Variants in TRA2A observed in about 807,000 individuals in gnomAD.
TRA2A encodes transformer-2 protein homolog alpha.
Under a neutral mutation model 45.7 loss-of-function variants are expected in TRA2A, and 31 were observed. The observed-to-expected ratio is 0.68, with a 90% CI of 0.51 to 0.92. The LOEUF (loss-of-function observed/expected upper bound fraction) is 0.92. Among genes scored for constraint, TRA2A ranks in the 40% least tolerant of loss-of-function variants. TRA2A has a pLI of 0.00. For synonymous variants in TRA2A, 132 were observed against 126.2 expected (o/e 1.05, Z -0.31); for missense variants, 304 against 367.5 (o/e 0.83, Z 1.41).
At chr7:23,509,199 A>G (rs1322378465) in intron 4 of TRA2A, among the ~76,000 whole-genome samples, 3 of 152,214 alleles carry the variant, frequency 2.0e-5, no homozygotes, top group Admixed American at 1.3e-4. Context: ...CAACAAATTT[A>G]ACACATCTTC....
Position 23,512,893 on chromosome 7 carries a change from C to T in TRA2A, c.525+1G>A. 6.2e-7 allele frequency: 1 copy of T among 1,602,604 alleles called. No homozygotes were observed. The highest frequency in any genetic ancestry group is 8.5e-7 in the Non-Finnish European group (1 of 1,173,486). On this transcript the variant is annotated splice_donor_variant, in intron 4 of 7. Transcript: ENST00000297071. LOFTEE classifies it high-confidence loss of function. Reference sequence around the variant, plus strand: ...ATCAGGCATATAAAAGACAAATTTACCTCCTTTGAGTCATCTATTCTCTCA... The same window carrying T: ...ATCAGGCATATAAAAGACAAATTTATCTCCTTTGAGTCATCTATTCTCTCA...
chr7:23,506,347 A>T, intron 5 of TRA2A, 81 bp from the exon 6 acceptor site: 1 of 1,385,584 alleles, frequency 7.2e-7, no homozygotes, highest in Non-Finnish European at 9.4e-7. Flanking sequence ...ATGGCTTAAA[A>T]AAGAGAAAAG....
At position 23,505,580 on chromosome 7, in the gene TRA2A, A is replaced by G. The variant is rs1447295721; in HGVS notation, c.839-11T>C. 1 of 521,030 alleles carries G rather than the reference A, an allele frequency of 1.9e-6. No individual in the cohort carries two copies. Among genetic ancestry groups the G allele is most frequent in the African/African-American group, 2.2e-5 (1 of 45,610 alleles). The allele number at this position is 521,030 out of a possible 1,614,324, so 32.3% of individuals were successfully genotyped here. On this transcript the variant is annotated splice_polypyrimidine_tract_variant and intron_variant, in intron 7 of 7. Transcript: ENST00000297071. ...GTTATCAATAGCGTCCTAAAAGAGA[A>G]AAAGCAAAAAAAAAAAAAAAAAAAA...
chr7:23,511,421 GAAA>G (rs1789613032), intron 4 of TRA2A, among the ~76,000 whole-genome samples: 27 of 107,034 alleles, frequency 2.5e-4, no homozygotes, highest in African/African-American at 7.9e-4. Context: ...GAAAAGAAAA[GAAA>G]AGAAAAACAC....
intron 4 of TRA2A, among the ~76,000 whole-genome samples, chr7:23,510,950 A>G (rs1020979718): frequency 1.3e-5 from 2 of 152,152 alleles, no homozygotes; most frequent in African/African-American, 4.8e-5. Context: ...GGGTTTCTCA[A>G]CCTTAGCACT....
intron 4 of TRA2A, among the ~76,000 whole-genome samples, chr7:23,508,348 G>A (rs1789438428): frequency 6.7e-6 from 1 of 149,572 alleles, no homozygotes; most frequent in Non-Finnish European, 1.5e-5. Flanking sequence ...GTTCACTGTG[G>A]CCTCAAACTT....
chr7:23,531,919 G>A lies in TRA2A; in HGVS notation c.-95C>T. On this transcript the variant is annotated 5_prime_UTR_variant, in exon 1 of 8. Coordinates refer to ENST00000297071, the MANE Select transcript of TRA2A (RefSeq NM_013293.5). ...CCGCTGACTGGACCGTGGGGAAGAG[G>A]AAAGAGTCGGCAACCACAGCCGCTC... 4 of 1,420,830 alleles carry A rather than the reference G, an allele frequency of 2.8e-6. No individual in the cohort carries two copies. Among genetic ancestry groups the A allele is most frequent in the African/African-American group, 1.4e-5 (1 of 71,224 alleles). 88.0% of individuals were successfully genotyped at this position (1,420,830 alleles called of 1,614,324 possible).
chr7:23,529,022 T>C (rs191189460), intron 1 of TRA2A, among the ~76,000 whole-genome samples: 110 of 152,250 alleles, frequency 7.2e-4, no homozygotes, highest in African/African-American at 2.6e-3. Flanking sequence ...TGTATGAAAA[T>C]TGCACATTTT....
intron 4 of TRA2A, among the ~76,000 whole-genome samples, chr7:23,508,671 T>G (rs1789451882): frequency 6.6e-6 from 1 of 152,200 alleles, no homozygotes; most frequent in South Asian, 2.1e-4. Flanking sequence ...ATTTTTTGTA[T>G]TTTTAGTAGA....
rs1790152947 is a variant in TRA2A at position 23,521,848 on chromosome 7, A to G, written c.37-8T>C. 1 of 1,614,148 alleles carries G rather than the reference A, an allele frequency of 6.2e-7. No individual in the cohort carries two copies. Among genetic ancestry groups the G allele is most frequent in the South Asian group, 1.1e-5 (1 of 91,084 alleles). On this transcript the variant is annotated splice_polypyrimidine_tract_variant and splice_region_variant and intron_variant, in intron 1 of 7. Coordinates refer to ENST00000297071, the MANE Select transcript of TRA2A (RefSeq NM_013293.5). ...TGACTGAGAGCGAGACTCCTAACAA[A>G]GAAGACAGTATTACAAATGGCACTG...
intron 2 of TRA2A, among the ~76,000 whole-genome samples, chr7:23,517,934 A>T (rs770053506): frequency 6.7e-6 from 1 of 148,944 alleles, no homozygotes; most frequent in Non-Finnish European, 1.5e-5. Flanking sequence ...AACAAACAAA[A>T]TCCTTTTTGA....
chr7:23,511,573 C>G (rs1789624093), intron 4 of TRA2A, among the ~76,000 whole-genome samples: 1 of 151,706 alleles, frequency 6.6e-6, no homozygotes, highest in Admixed American at 6.6e-5. Flanking sequence ...CAATTACTAT[C>G]AACTTTTAGT....
chr7:23,516,945 T>TA (rs1789902376), intron 2 of TRA2A, among the ~76,000 whole-genome samples: 1 of 150,878 alleles, frequency 6.6e-6, no homozygotes, highest in Admixed American at 6.6e-5. Flanking sequence ...TCGTCTCTAC[T>TA]AAAAATACAA....
At chr7:23,523,968 T>G (rs923644883) in intron 1 of TRA2A, among the ~76,000 whole-genome samples, 1 of 152,236 alleles carries the variant, frequency 6.6e-6, no homozygotes, top group South Asian at 2.1e-4. Flanking sequence ...GCTGGATTAT[T>G]ATCTACGAAC....
chr7:23,508,380 G>C (rs1216316138), intron 4 of TRA2A, among the ~76,000 whole-genome samples: 1 of 151,310 alleles, frequency 6.6e-6, no homozygotes, highest in Non-Finnish European at 1.5e-5. Flanking sequence ...CAATCCTCCA[G>C]CCTTAGTCTC....
chr7:23,528,963 G>A (rs908198200), intron 1 of TRA2A, among the ~76,000 whole-genome samples: 2 of 152,154 alleles, frequency 1.3e-5, no homozygotes, highest in East Asian at 1.9e-4. Flanking sequence ...TACAAGATAG[G>A]TCCCTAACAA....
At chr7:23,506,991 G>A (rs1033517026) in intron 5 of TRA2A, among the ~76,000 whole-genome samples, 4 of 152,102 alleles carry the variant, frequency 2.6e-5, no homozygotes, top group African/African-American at 4.8e-5. Flanking sequence ...TCCCGATCTC[G>A]TGATCTCGTG....
At chr7:23,510,962 T>C (rs1367860166) in intron 4 of TRA2A, among the ~76,000 whole-genome samples, 1 of 152,210 alleles carries the variant, frequency 6.6e-6, no homozygotes, top group Non-Finnish European at 1.5e-5. Context: ...CTTAGCACTA[T>C]TGACATTTTG....
chr7:23,511,678 G>A (rs563790946), intron 4 of TRA2A, among the ~76,000 whole-genome samples: 2 of 152,042 alleles, frequency 1.3e-5, no homozygotes, highest in African/African-American at 2.4e-5. Context: ...GAGGCCAGGA[G>A]TTGTTCCGAG....
Sources: gnomAD v4.1 joint callset for allele counts (sites outside exome capture counted in the v4.1 genomes callset) on GRCh38, gnomAD v4.1.1 for gene constraint, MANE v1.5 for transcripts, NCBI Gene and HGNC (gene_info 2026-07-23, HGNC 2026-07-21) for gene names.